The following EML6 variants were observed in gnomAD, a reference collection of about 807,000 sequenced individuals.
The protein encoded by EML6 is EMAP like 6.
Under a neutral mutation model 240.1 loss-of-function variants are expected in EML6, and 154 were observed. That is an observed-to-expected ratio of 0.64 (90% confidence interval 0.56 to 0.73). The LOEUF (loss-of-function observed/expected upper bound fraction) is 0.73, where lower values mean the gene tolerates loss of function less well. EML6 is among the 30% of genes least tolerant of loss of function. The pLI is 0.00. For missense variants in EML6, 2,964 were observed against 2,474.6 expected (o/e 1.20, Z -4.20); for synonymous variants, 1,148 against 899.0 (o/e 1.28, Z -4.95).
rs1558603191 is a variant in EML6 at position 54,844,151 on chromosome 2, T to C, written c.952T>C (p.Leu318=). Residue 318 remains leucine, a synonymous_variant, in exon 8 of 42, where the codon TTG becomes CTG. Transcript: ENST00000356458. ...TGTGCGAGAGCGAGACAAGCCGATG[T>C]TGATCCTACAGGGCCACTGCGAGGG... ...VIVRERDKPM[L]ILQGHCEGEL... 1 of 1,551,758 alleles carries C rather than the reference T, an allele frequency of 6.4e-7. No homozygotes were observed. Among genetic ancestry groups the C allele is most frequent in the East Asian group, 2.4e-5 (1 of 40,914 alleles).
chr2:54,936,968 C>CT lies in EML6; in HGVS notation c.4004+8238dup, dbSNP rs141307785. On this transcript the variant is annotated intron_variant, in intron 28 of 41. Transcript: ENST00000356458. ...CTCAGGCTAAAACGGTCATGTCTCT[C>CT]TTTTTTTTTTTTTTTTTTTTTAAAG... is the stretch of plus-strand genomic sequence containing the variant. Among the ~76,000 whole-genome samples the CT allele has an allele frequency of 1.2e-3, 157 of 132,608 alleles. 2 individuals are homozygous for CT. In the East Asian group the frequency reaches 0.025, roughly 21 times the overall value. 87.0% of individuals were successfully genotyped at this position (132,608 alleles called of 152,430 possible). A position where few individuals can be genotyped will look rare whatever the true frequency, so the allele number is the denominator to read the frequency against.
intron 33 of EML6, among the ~76,000 whole-genome samples, 172 bp from the exon 34 acceptor site, chr2:54,958,932 A>T (rs1676361256): frequency 6.6e-6 from 1 of 152,170 alleles, no homozygotes; most frequent in Non-Finnish European, 1.5e-5. Context: ...CTGCCTTGTG[A>T]TGTGCTCTCG....
rs561187149 is a variant in EML6 at position 54,827,178 on chromosome 2, C to G, written c.526-388C>G. Among the ~76,000 whole-genome samples the G allele has an allele frequency of 3.9e-5, 6 of 152,282 alleles. No individual in the cohort carries two copies. In the South Asian group the frequency reaches 1.2e-3, roughly 32 times the overall value. ...GACTATCACAATTTTCCTTTTTATA[C>G]TTATCTGTGTTTCTAAACCTTTCTA... On this transcript the variant is annotated intron_variant, in intron 5 of 41. Transcript: ENST00000356458.
At chr2:54,853,279 T>G (rs1257340598) in intron 10 of EML6, among the ~76,000 whole-genome samples, 1 of 152,176 alleles carries the variant, frequency 6.6e-6, no homozygotes. Context: ...GGTAATTAAG[T>G]AATTGTTAGT....
At chr2:54,779,865 G>GAAA (rs3036161) in intron 2 of EML6, among the ~76,000 whole-genome samples, 3 of 113,152 alleles carry the variant, frequency 2.7e-5, no homozygotes, top group Non-Finnish European at 3.9e-5. Context: ...CAAAAAAAAA[G>GAAA]AAAAAAAAAA....
intron 5 of EML6, among the ~76,000 whole-genome samples, chr2:54,821,964 A>G (rs186133825): frequency 6.6e-6 from 1 of 152,152 alleles, no homozygotes. Context: ...CAACTGTAGA[A>G]ATATTAAAAT....
intron 24 of EML6, among the ~76,000 whole-genome samples, chr2:54,907,942 AGAT>A (rs1383198574): frequency 2.6e-5 from 1 of 38,652 alleles, no homozygotes; most frequent in East Asian, 6.5e-4. Flanking sequence ...ATAGATAGAT[AGAT>A]AAGATAGATA....
At chr2:54,945,426 G>T (rs1004142628) in intron 28 of EML6, among the ~76,000 whole-genome samples, 2 of 151,652 alleles carry the variant, frequency 1.3e-5, no homozygotes, top group Admixed American at 6.6e-5. Context: ...TGATGAACAC[G>T]ACTCAAAACA....
chr2:54,914,042 T>A (rs1016311112), intron 25 of EML6, among the ~76,000 whole-genome samples: 2 of 152,240 alleles, frequency 1.3e-5, no homozygotes, highest in African/African-American at 4.8e-5. Context: ...CAGTCTGTTT[T>A]GGTTGCTGTA....
intron 2 of EML6, among the ~76,000 whole-genome samples, chr2:54,789,866 G>A (rs1313759381): frequency 6.6e-6 from 1 of 152,178 alleles, no homozygotes; most frequent in Non-Finnish European, 1.5e-5. Context: ...TAAATAGTAA[G>A]TACAGGGAGA....
intron 2 of EML6, among the ~76,000 whole-genome samples, chr2:54,770,788 G>A (rs1351063582): frequency 1.3e-5 from 2 of 152,096 alleles, no homozygotes; most frequent in Non-Finnish European, 2.9e-5. Context: ...GTGACTGCAC[G>A]CTTTTCCAGC....
intron 28 of EML6, 85 bp from the exon 29 acceptor site, chr2:54,948,797 C>T: frequency 3.0e-6 from 3 of 1,005,506 alleles, no homozygotes; most frequent in Non-Finnish European, 4.6e-6. Flanking sequence ...AGGAGGCCGG[C>T]ACTGGCCTAG....
chr2:54,932,384 A>C (rs1375492213), intron 28 of EML6, among the ~76,000 whole-genome samples: 1 of 151,934 alleles, frequency 6.6e-6, no homozygotes, highest in South Asian at 2.1e-4. Flanking sequence ...CCATGCTTTC[A>C]CTCCTTATCT....
At chr2:54,727,563 G>A (rs376240190) in intron 2 of EML6, among the ~76,000 whole-genome samples, 7 of 152,088 alleles carry the variant, frequency 4.6e-5, no homozygotes, top group East Asian at 1.9e-4. Flanking sequence ...TGTGTATCCC[G>A]GTTACTACTA....
At chr2:54,962,780 A>G in intron 36 of EML6, 69 bp downstream of exon 36, 1 of 1,310,782 alleles carries the variant, frequency 7.6e-7, no homozygotes, top group Non-Finnish European at 1.0e-6. Flanking sequence ...CTGAGCGAGG[A>G]GAGGCCCAGC....
intron 36 of EML6, 22 bp downstream of exon 36, chr2:54,962,733 C>T (rs34564860): frequency 0.075 from 107,976 of 1,446,926 alleles, 4,426 homozygotes; most frequent in Non-Finnish European, 0.082. Flanking sequence ...TCTGCCCAAA[C>T]TCAGATGCCC....
At chr2:54,788,688 C>A (rs1669227192) in intron 2 of EML6, among the ~76,000 whole-genome samples, 1 of 152,148 alleles carries the variant, frequency 6.6e-6, no homozygotes, top group Non-Finnish European at 1.5e-5. Flanking sequence ...GCTTATCAGT[C>A]ATTTTATTGG....
intron 2 of EML6, among the ~76,000 whole-genome samples, chr2:54,789,769 G>C (rs1235994880): frequency 1.3e-5 from 2 of 152,132 alleles, no homozygotes; most frequent in African/African-American, 2.4e-5. Flanking sequence ...GCTCAGACAT[G>C]GTCCTAATAG....
chr2:54,804,631 C>G (rs552788769), intron 2 of EML6, among the ~76,000 whole-genome samples: 8 of 152,292 alleles, frequency 5.3e-5, no homozygotes, highest in Non-Finnish European at 7.4e-5. Flanking sequence ...TTATATTTCT[C>G]CAGGATCACT....
Sources: gnomAD v4.1 joint callset for allele counts (sites outside exome capture counted in the v4.1 genomes callset) on GRCh38, gnomAD v4.1.1 for gene constraint, MANE v1.5 for transcripts, NCBI Gene and HGNC (gene_info 2026-07-23, HGNC 2026-07-21) for gene names.